The following OPCML variants were observed in gnomAD, a reference collection of about 807,000 sequenced individuals.
OPCML encodes the protein opioid-binding protein/cell adhesion molecule.
Under a neutral mutation model 37.8 loss-of-function variants are expected in OPCML, and 13 were observed. That is an observed-to-expected ratio of 0.34 (90% CI 0.22 to 0.55). The LOEUF (loss-of-function observed/expected upper bound fraction) is 0.55. OPCML is among the 20% of genes least tolerant of loss of function. The pLI is 0.91. For synonymous variants in OPCML, 176 were observed against 168.8 expected, an observed-to-expected ratio of 1.04 and a Z score of -0.33; for missense variants, 341 against 435.6, an observed-to-expected ratio of 0.78 and a Z score of 1.93.
intron 7 of OPCML, among the ~76,000 whole-genome samples, chr11:132,427,842 C>T (rs2095982844): frequency 6.6e-6 from 1 of 152,248 alleles, no homozygotes; most frequent in South Asian, 2.1e-4. Flanking sequence ...CACAAGGAAC[C>T]TCATCAAGAA....
chr11:132,559,830 A>C (rs2137495600), intron 3 of OPCML, among the ~76,000 whole-genome samples: 1 of 152,290 alleles, frequency 6.6e-6, no homozygotes, highest in Admixed American at 6.5e-5. Context: ...TTGTGCTAAA[A>C]CCCACAGAAG....
intron 2 of OPCML, among the ~76,000 whole-genome samples, chr11:132,807,614 C>T (rs545353965): frequency 2.0e-5 from 3 of 152,322 alleles, no homozygotes; most frequent in Admixed American, 6.5e-5. Flanking sequence ...CCTCTCCCTC[C>T]ATCTCTGAAT....
chr11:132,539,173 A>T (rs1452304455), intron 3 of OPCML, among the ~76,000 whole-genome samples: 1 of 152,224 alleles, frequency 6.6e-6, no homozygotes, highest in East Asian at 1.9e-4. Context: ...CTGAAAAGTC[A>T]TCATGAGAAT....
intron 4 of OPCML, among the ~76,000 whole-genome samples, chr11:132,474,383 C>A (rs116308292): frequency 6.6e-6 from 1 of 151,880 alleles, no homozygotes; most frequent in Non-Finnish European, 1.5e-5. Context: ...CACATAGGAG[C>A]GAAAAGAGCC....
intron 4 of OPCML, among the ~76,000 whole-genome samples, chr11:132,519,860 A>G (rs1014613660): frequency 1.3e-5 from 2 of 152,162 alleles, no homozygotes; most frequent in African/African-American, 4.8e-5. Context: ...AGAGACAAAG[A>G]AGTAGTAGCA....
At chr11:132,520,212 TATC>T (rs1291497249) in intron 4 of OPCML, among the ~76,000 whole-genome samples, 2 of 152,184 alleles carry the variant, frequency 1.3e-5, no homozygotes, top group Non-Finnish European at 1.5e-5. Context: ...TGATTCAATA[TATC>T]ATTTTACATT....
At chr11:133,403,627 C>T (rs1175027364) in intron 1 of OPCML, among the ~76,000 whole-genome samples, 1 of 152,162 alleles carries the variant, frequency 6.6e-6, no homozygotes, top group East Asian at 1.9e-4. Flanking sequence ...TGGCGACCTC[C>T]TTTCCATTTA....
At chr11:132,518,586 A>G (rs998953657) in intron 4 of OPCML, among the ~76,000 whole-genome samples, 12 of 152,160 alleles carry the variant, frequency 7.9e-5, no homozygotes, top group African/African-American at 2.9e-4. Flanking sequence ...CAGCCTCAAT[A>G]CATGCACTCA....
At chr11:133,353,772 A>T (rs1164259805) in intron 1 of OPCML, among the ~76,000 whole-genome samples, 1 of 152,186 alleles carries the variant, frequency 6.6e-6, no homozygotes, top group African/African-American at 2.4e-5. Flanking sequence ...CATCATGGGG[A>T]TGTAAGCTTT....
intron 1 of OPCML, among the ~76,000 whole-genome samples, chr11:133,140,531 T>TAATAATAAGAAG (rs1272061685): frequency 0.019 from 1,688 of 88,026 alleles, 24 homozygotes; most frequent in Non-Finnish European, 0.022. Flanking sequence ...ATAATAATAA[T>TAATAATAAGAAG]AAGAAGAAGA....
At chr11:132,479,003 A>G (rs2096167672) in intron 4 of OPCML, among the ~76,000 whole-genome samples, 1 of 152,178 alleles carries the variant, frequency 6.6e-6, no homozygotes, top group Non-Finnish European at 1.5e-5. Context: ...AACAAAATGC[A>G]CAGAATTAGT....
chr11:132,685,383 ACTT>A (rs1323793401), intron 2 of OPCML, among the ~76,000 whole-genome samples: 2 of 152,180 alleles, frequency 1.3e-5, no homozygotes, highest in Admixed American at 6.5e-5. Flanking sequence ...TAATCAGAAC[ACTT>A]CTTTATCAAG....
intron 1 of OPCML, among the ~76,000 whole-genome samples, chr11:132,947,824 A>G (rs902635817): frequency 6.6e-6 from 1 of 152,220 alleles, no homozygotes; most frequent in South Asian, 2.1e-4. Context: ...CTTATCAGAA[A>G]TGCTTGAGAC....
intron 7 of OPCML, chr11:132,435,038 A>G (rs1253614576): frequency 6.0e-6 from 3 of 498,114 alleles, no homozygotes; most frequent in Non-Finnish European, 7.4e-6. Context: ...CTTGAGGTCT[A>G]TCTACCTCAG....
intron 3 of OPCML, among the ~76,000 whole-genome samples, chr11:132,617,215 A>T (rs1049392877): frequency 6.6e-6 from 1 of 152,242 alleles, no homozygotes; most frequent in East Asian, 1.9e-4. Flanking sequence ...TATTTATGAT[A>T]TGTTAGAAAC....
intron 1 of OPCML, among the ~76,000 whole-genome samples, chr11:133,268,351 G>T (rs548337619): frequency 6.6e-6 from 1 of 152,198 alleles, no homozygotes; most frequent in Admixed American, 6.5e-5. Flanking sequence ...TTCTTATTCT[G>T]TTCCTAACTG....
chr11:132,867,896 G>T (rs1432789934), intron 2 of OPCML, among the ~76,000 whole-genome samples: 2 of 152,168 alleles, frequency 1.3e-5, no homozygotes, highest in African/African-American at 2.4e-5. Context: ...TTAATGAGCA[G>T]GTTGTTGGCA....
chr11:132,499,610 C>T (rs1307138648), intron 4 of OPCML, among the ~76,000 whole-genome samples: 1 of 152,182 alleles, frequency 6.6e-6, no homozygotes, highest in African/African-American at 2.4e-5. Flanking sequence ...AACTTGCATG[C>T]CTGGGATTGA....
chr11:133,081,699 C>T (rs952735211), intron 1 of OPCML, among the ~76,000 whole-genome samples: 1 of 152,124 alleles, frequency 6.6e-6, no homozygotes, highest in Non-Finnish European at 1.5e-5. Context: ...CTCTTAACCC[C>T]AGGGGGAGGC....
Sources: gnomAD v4.1 joint callset for allele counts (sites outside exome capture counted in the v4.1 genomes callset) on GRCh38, gnomAD v4.1.1 for gene constraint, MANE v1.5 for transcripts, NCBI Gene and HGNC (gene_info 2026-07-23, HGNC 2026-07-21) for gene names.